Variants in PLEKHG3 observed in about 807,000 individuals in gnomAD.
PLEKHG3 encodes pleckstrin homology domain-containing family G member 3.
PLEKHG3 carries 62 observed loss-of-function variants against 94.9 expected under a neutral mutation model. The observed-to-expected ratio is 0.65, with a 90% CI of 0.53 to 0.81. The LOEUF (loss-of-function observed/expected upper bound fraction) is 0.81, where lower values mean the gene tolerates loss of function less well. Among genes scored for constraint, PLEKHG3 ranks in the 30% least tolerant of loss-of-function variants. The probability of loss-of-function intolerance (pLI) is 0.00; values close to 1 mark genes in which losing one functional copy is unlikely to be tolerated. For missense variants in PLEKHG3, 1,461 were observed against 1,619.3 expected (o/e 0.90, Z 1.68); for synonymous variants, 614 against 654.0 (o/e 0.94, Z 0.93).
chr14:64,705,593 C>T (rs1308716472), intron 1 of PLEKHG3, among the ~76,000 whole-genome samples: 1 of 152,120 alleles, frequency 6.6e-6, no homozygotes, highest in Non-Finnish European at 1.5e-5. Flanking sequence ...TACGGGGAAC[C>T]CTGGAGTGGG....
Position 64,730,883 on chromosome 14 carries a change from G to T in PLEKHG3, c.651G>T (p.Ser217=). The T allele has an allele frequency of 6.2e-7, 1 of 1,612,934 alleles. No individual in the cohort carries two copies. The highest frequency in any genetic ancestry group is 8.5e-7 in the Non-Finnish European group (1 of 1,179,946). Residue 217 remains serine, a synonymous_variant, in exon 6 of 17, where the codon TCG becomes TCT. Coordinates refer to ENST00000247226, the MANE Select transcript of PLEKHG3 (RefSeq NM_001308147.2). The surrounding 1 kb of genome is among the most constrained non-coding windows in gnomAD (Gnocchi z 5.4). The part of the protein sequence containing the change: ...FRDRQELLQH[S]LPLGSYLLKP... The stretch of plus-strand genomic sequence containing the variant: ...ACCGGCAGGAGCTGCTACAGCACTC[G>T]CTGCCCTTGGGCTCCTACCTGCTGA...
intron 1 of PLEKHG3, among the ~76,000 whole-genome samples, chr14:64,711,661 C>T (rs1023094659): frequency 5.9e-5 from 9 of 152,180 alleles, no homozygotes; most frequent in African/African-American, 2.2e-4. Context: ...ATGCGCCTGC[C>T]TTGGCCTCCC....
At chr14:64,736,773 G>C in intron 12 of PLEKHG3, 80 bp from the exon 13 acceptor site, 1 of 1,011,200 alleles carries the variant, frequency 9.9e-7, no homozygotes, top group Non-Finnish European at 1.6e-6. Context: ...TGATGGGCTG[G>C]TGGCGCTGTG....
In PLEKHG3 at chr14:64,720,696, T is replaced by C. The variant is rs553792402; in HGVS notation, c.-39-6897T>C. 1.3e-5 allele frequency among the ~76,000 whole-genome samples: 2 copies of C among 152,348 alleles called. No homozygotes were observed. The highest frequency in any genetic ancestry group is 4.1e-4 in the South Asian group (2 of 4,826). On this transcript the variant is annotated intron_variant, in intron 1 of 16. Coordinates refer to ENST00000247226, the MANE Select transcript of PLEKHG3 (RefSeq NM_001308147.2). This position sits in a 1 kb window ranked among gnomAD's most constrained non-coding sequence, Gnocchi z 4.1. ...CTTCCCTATTGCCACTGTAACAAAT[T>C]CTGCAATCTTAGTGGCTTAAATCAA...
At chr14:64,708,690 T>C (rs558588623) in intron 1 of PLEKHG3, among the ~76,000 whole-genome samples, 1 of 152,226 alleles carries the variant, frequency 6.6e-6, no homozygotes, top group Admixed American at 6.5e-5. Context: ...AGGGGTTTAA[T>C]CTAAAGTACC....
Position 64,734,507 on chromosome 14 carries a change from T to C in PLEKHG3, c.1345+1606T>C, listed in dbSNP as rs923605590. On this transcript the variant is annotated intron_variant, in intron 12 of 16. Coordinates refer to ENST00000247226, the MANE Select transcript of PLEKHG3 (RefSeq NM_001308147.2). ...GAATTGTACACTCTAAATAGGTGAA[T>C]TGTATTTGAATTATATTTCAATAAA... Among the ~76,000 whole-genome samples the C allele has an allele frequency of 2.0e-5, 3 of 152,286 alleles. No individual in the cohort carries two copies. The East Asian group carries it at 5.8e-4, about 29-fold the overall frequency.
chr14:64,727,729 G>A lies in PLEKHG3; in HGVS notation c.98G>A (p.Arg33His), dbSNP rs746044568. The A allele has an allele frequency of 3.3e-5, 53 of 1,611,710 alleles. No homozygotes were observed. Among genetic ancestry groups the A allele is most frequent in the East Asian group, 2.7e-4 (12 of 44,796 alleles). ...TSSSGSSCDSRSAMEEPSSSE... is the reference protein window; with the variant it reads ...TSSSGSSCDSHSAMEEPSSSE... Reference sequence around the variant, plus strand: ...TCGTCGGGCTCCTCCTGTGACAGTCGCAGTGCCATGGAGGAGCCCAGCAGC... The same window carrying A: ...TCGTCGGGCTCCTCCTGTGACAGTCACAGTGCCATGGAGGAGCCCAGCAGC... Residue 33 changes from arginine (R) to histidine (H), a missense_variant, in exon 2 of 17, where the codon CGC (arginine) becomes CAC (histidine). Around this residue, in one of 3 missense-constraint regions of PLEKHG3, gnomAD observed 253 missense variants for 297.8 expected, o/e 0.85. Coordinates refer to ENST00000247226, the MANE Select transcript of PLEKHG3 (RefSeq NM_001308147.2). This position sits in a 1 kb window ranked among gnomAD's most constrained non-coding sequence, Gnocchi z 6.0.
chr14:64,713,795 A>G (rs1341809523), intron 1 of PLEKHG3, among the ~76,000 whole-genome samples: 2 of 151,932 alleles, frequency 1.3e-5, no homozygotes, highest in African/African-American at 2.4e-5. Flanking sequence ...CTCTAAGTCT[A>G]TTAATGTTTA....
At chr14:64,707,370 G>T (rs1040991762) in intron 1 of PLEKHG3, among the ~76,000 whole-genome samples, 1 of 152,152 alleles carries the variant, frequency 6.6e-6, no homozygotes, top group South Asian at 2.1e-4. Flanking sequence ...TTTCCTCCCA[G>T]TACTCATGCC....
In PLEKHG3 at chr14:64,730,658, T is replaced by G; in HGVS notation, c.536T>G (p.Ile179Ser). 1 of 1,613,098 alleles carries G rather than the reference T, an allele frequency of 6.2e-7. No homozygotes were observed. The stretch of plus-strand genomic sequence containing the variant: ...TCTTCTTAGAGCCAAGAGTTTGATA[T>G]CTACACTCAGTATTGCAACAATTAC... Reference protein sequence around the residue: ...CFVERSQEFDIYTQYCNNYPN... With the variant: ...CFVERSQEFDSYTQYCNNYPN... Residue 179 changes from isoleucine (I) to serine (S), a missense_variant, in exon 5 of 17, where the codon ATC becomes AGC. By Grantham distance (142) the Ile-to-Ser change is moderately radical (BLOSUM62 -2). Transcript: ENST00000247226. The surrounding 1 kb of genome is among the most constrained non-coding windows in gnomAD (Gnocchi z 5.4).
chr14:64,717,160 G>A lies in PLEKHG3; in HGVS notation c.-39-10433G>A, dbSNP rs908511338. Among the ~76,000 whole-genome samples, 2 of 148,806 alleles carry A rather than the reference G, an allele frequency of 1.3e-5. No homozygotes were observed. Among genetic ancestry groups the A allele is most frequent in the Non-Finnish European group, 3.0e-5 (2 of 67,228 alleles). ...GTGTGTGTGTGTGTGAGTCCATAAG[G>A]TCTGCTTTGGAAAATCCACTTTCCT... On this transcript the variant is annotated intron_variant, in intron 1 of 16. Coordinates refer to ENST00000247226, the MANE Select transcript of PLEKHG3 (RefSeq NM_001308147.2). This position sits in a 1 kb window ranked among gnomAD's most constrained non-coding sequence, Gnocchi z 4.7.
At position 64,749,911 on chromosome 14, in the gene PLEKHG3, G is replaced by T; in HGVS notation, c.*6208G>T. On this transcript the variant is annotated 3_prime_UTR_variant, in exon 17 of 17. Coordinates refer to ENST00000247226, the MANE Select transcript of PLEKHG3 (RefSeq NM_001308147.2). This position sits in a 1 kb window ranked among gnomAD's most constrained non-coding sequence, Gnocchi z 4.7. ...GGCCTGGCACTGGTCCCCTACAGAG[G>T]GCCTCTGCCCTGCCACTAATGCCAA... 1.2e-6 allele frequency: 2 copies of T among 1,601,350 alleles called. No individual in the cohort carries two copies. The highest frequency in any genetic ancestry group is 1.7e-6 in the Non-Finnish European group (2 of 1,168,678).
rs1046539394 is a variant in PLEKHG3, at chr14:64,745,431, G to T, written c.*1728G>T. On this transcript the variant is annotated 3_prime_UTR_variant, in exon 17 of 17. Transcript: ENST00000247226. The surrounding 1 kb of genome is among the most constrained non-coding windows in gnomAD (Gnocchi z 5.0). ...AAGATGGGTCTGCTAAGTCTAACAA[G>T]GTCAAGGGAAGATCAGAGGGACCCA... 6.6e-6 allele frequency: 1 copy of T among 152,216 alleles called. No individual in the cohort carries two copies. Among genetic ancestry groups the T allele is most frequent in the Non-Finnish European group, 1.5e-5 (1 of 68,056 alleles). 9.4% of individuals were successfully genotyped at this position (152,216 alleles called of 1,614,324 possible).
chr14:64,742,216 TGG>T lies in PLEKHG3; in HGVS notation c.2700_2701del (p.Ala901ProfsTer56). On this transcript the variant is annotated frameshift_variant, in exon 16 of 17. Coordinates refer to ENST00000247226, the MANE Select transcript of PLEKHG3 (RefSeq NM_001308147.2). LOFTEE classifies it high-confidence loss of function. ...AGCAGCAGTACCCAGGGGGAGCTGG[TGG>T]CCCCACTGCACCCCCGCATCGTGCA... 1 of 1,612,940 alleles carries T rather than the reference TGG, an allele frequency of 6.2e-7. No individual in the cohort carries two copies. The highest frequency in any genetic ancestry group is 8.5e-7 in the Non-Finnish European group (1 of 1,179,938).
chr14:64,717,235 A>G lies in PLEKHG3; in HGVS notation c.-39-10358A>G, dbSNP rs1487239720. 6.6e-6 allele frequency among the ~76,000 whole-genome samples: 1 copy of G among 152,088 alleles called. No homozygotes were observed. The highest frequency in any genetic ancestry group is 6.5e-5 in the Admixed American group (1 of 15,278). On this transcript the variant is annotated intron_variant, in intron 1 of 16. Transcript: ENST00000247226. The surrounding 1 kb of genome is among the most constrained non-coding windows in gnomAD (Gnocchi z 4.7). ...CCCAAGGTCAGAGCCCAGGGCAAAG[A>G]AAGGGGATGTGTTGGAGCTCTTCTC...
chr14:64,729,579 G>T (rs1390160636), intron 3 of PLEKHG3, among the ~76,000 whole-genome samples: 1 of 152,172 alleles, frequency 6.6e-6, no homozygotes, highest in African/African-American at 2.4e-5. Flanking sequence ...AAAAGGCATG[G>T]GTCTCCTGCC....
rs1362818120 is a variant in PLEKHG3 at position 64,741,527 on chromosome 14, C to G, written c.2010C>G (p.Asp670Glu). The change falls in exon 16 of 17, where the codon GAC becomes GAG. Residue 670 changes from aspartate (D) to glutamate (E), a missense_variant. Physicochemically the swap from Asp to Glu is conservative, Grantham distance 45. This residue lies in a region of PLEKHG3 where 1,201 missense variants were observed against 1,295.5 expected (regional missense o/e 0.93). Transcript: ENST00000247226. ...GCTGTCAGCTCTCCCCAGAAGTGGA[C>G]ATCAGTGTGGGGGTGGCCACAGAGG... Reference protein sequence around the residue: ...SLSCQLSPEVDISVGVATEDS... With the variant: ...SLSCQLSPEVEISVGVATEDS... 6.2e-7 allele frequency: 1 copy of G among 1,612,786 alleles called. No homozygotes were observed. Among genetic ancestry groups the G allele is most frequent in the African/African-American group, 1.3e-5 (1 of 74,914 alleles).
intron 12 of PLEKHG3, among the ~76,000 whole-genome samples, chr14:64,734,867 C>T (rs1162606134): frequency 1.3e-5 from 2 of 151,910 alleles, no homozygotes; most frequent in African/African-American, 2.4e-5. Flanking sequence ...ATTACAGGCA[C>T]GCGTCACCAC....
intron 1 of PLEKHG3, among the ~76,000 whole-genome samples, chr14:64,713,546 C>T (rs1419147298): frequency 6.6e-6 from 1 of 152,166 alleles, no homozygotes; most frequent in Non-Finnish European, 1.5e-5. Context: ...ACAAAGTTAT[C>T]CAATTCATTG....
Sources: allele counts gnomAD v4.1 joint callset (sites outside exome capture counted in the v4.1 genomes callset), GRCh38; gene constraint gnomAD v4.1.1; regional missense constraint gnomAD v4.1.1; non-coding constraint Gnocchi (gnomAD v3.1); transcripts MANE v1.5; gene names NCBI Gene and HGNC (gene_info 2026-07-23, HGNC 2026-07-21).